The following FBXO31 variants were observed in gnomAD, a reference collection of about 807,000 sequenced individuals.
FBXO31 encodes F-box only protein 31.
In FBXO31, 24 loss-of-function variants were observed where a neutral mutation model predicts 54.4. That is an observed-to-expected ratio of 0.44 (90% CI 0.32 to 0.62). The LOEUF (loss-of-function observed/expected upper bound fraction) is 0.62. Among genes scored for constraint, FBXO31 ranks in the 20% least tolerant of loss-of-function variants. FBXO31 has a pLI of 0.05. For missense variants in FBXO31, 665 were observed against 787.1 expected (o/e 0.84, Z 1.86); for synonymous variants, 388 against 335.6 (o/e 1.16, Z -1.71).
chr16:87,373,178 A>T (rs1240371113), intron 1 of FBXO31, among the ~76,000 whole-genome samples: 28 of 148,456 alleles, frequency 1.9e-4, no homozygotes, highest in Admixed American at 1.7e-3. Context: ...CTGGCCGGGC[A>T]CAGTGGCTCA....
upstream of FBXO31, among the ~76,000 whole-genome samples, chr16:87,386,776 G>A (rs750957): frequency 0.45 from 67,990 of 152,084 alleles, 17,901 homozygotes; most frequent in East Asian, 1. Context: ...TAGTACATCA[G>A]ACTTATGATT....
At position 87,331,433 on chromosome 16, in the gene FBXO31, T is replaced by C; in HGVS notation, c.1475A>G (p.Asp492Gly). 1 of 1,613,730 alleles carries C rather than the reference T, an allele frequency of 6.2e-7. No individual in the cohort carries two copies. The highest frequency in any genetic ancestry group is 8.5e-7 in the Non-Finnish European group (1 of 1,179,972). ...CCAGACGAACCCGAAGCGGTCCTCA[T>C]CGAAGAGGATGAAGACCCCGGGGGT... ...ERTPGVFILF[D>G]EDRFGFVWLE... Residue 492 changes from aspartate to glycine, a missense_variant, in exon 9 of 9, where the codon GAT becomes GGT. Around this residue, in one of 4 missense-constraint regions of FBXO31, gnomAD observed 71 missense variants for 105.8 expected, o/e 0.67. Transcript: ENST00000311635.
rs200061135 is a variant in FBXO31 at position 87,343,694 on chromosome 16, T to C, written c.561A>G (p.Arg187=). ...GGTGGATCCTGAACAGAGGCTTGAA[T>C]CTCATAGGGTCATCGACGTGGGGGT... The part of the protein sequence containing the change: ...PHDPHVDDPM[R]FKPLFRIHLM... The change falls in exon 4 of 9, where the codon AGA becomes AGG. Residue 187 remains arginine (R), a synonymous_variant. Transcript: ENST00000311635. The C allele has an allele frequency of 6.2e-7, 1 of 1,614,210 alleles. No homozygotes were observed.
Position 87,331,357 on chromosome 16 carries a change from C to G in FBXO31, c.1551G>C (p.Arg517=), listed in dbSNP as rs1371800247. 6.2e-7 allele frequency: 1 copy of G among 1,613,900 alleles called. No homozygotes were observed. The highest frequency in any genetic ancestry group is 8.5e-7 in the Non-Finnish European group (1 of 1,180,040). ...CCTGTGGGGACGGCGCATCTGCGTT[C>G]CGGAAGGTGGCCTGGACCCGGCTGT... is the stretch of plus-strand genomic sequence containing the variant. The part of the protein sequence containing the change: ...SLYSRVQATF[R]NADAPSPQAF... Residue 517 remains arginine (R), a synonymous_variant, in exon 9 of 9, where the codon CGG becomes CGC. Coordinates refer to ENST00000311635, the MANE Select transcript of FBXO31 (RefSeq NM_024735.5).
At position 87,333,966 on chromosome 16, in the gene FBXO31, C is replaced by A. The variant is rs971601908; in HGVS notation, c.1317G>T (p.Gln439His). The A allele has an allele frequency of 1.2e-6, 2 of 1,612,600 alleles. No homozygotes were observed. Among genetic ancestry groups the A allele is most frequent in the African/African-American group, 2.7e-5 (2 of 74,946 alleles). Residue 439 changes from glutamine (Q) to histidine (H), a missense_variant, in exon 8 of 9, where the codon CAG becomes CAT. By Grantham distance (24) the Gln-to-His change is conservative (BLOSUM62 0). Around this residue, in one of 4 missense-constraint regions of FBXO31, gnomAD observed 165 missense variants for 159.7 expected, o/e 1.03. Coordinates refer to ENST00000311635, the MANE Select transcript of FBXO31 (RefSeq NM_024735.5). ...DAVAAAEQPA[Q>H]CGQGQPFVLP... ...GCACGAACGGCTGCCCCTGCCCACA[C>A]TGGGCAGGCTGCTCGGCCGCAGCTA...
At chr16:87,371,208 G>C (rs146909341) in intron 1 of FBXO31, among the ~76,000 whole-genome samples, 94 of 152,334 alleles carry the variant, frequency 6.2e-4, no homozygotes, top group African/African-American at 2.2e-3. Flanking sequence ...TGACCACTGA[G>C]CCAGCGTAGC....
intron 1 of FBXO31, among the ~76,000 whole-genome samples, chr16:87,371,305 C>G (rs147921920): frequency 6.6e-6 from 1 of 152,308 alleles, no homozygotes; most frequent in East Asian, 1.9e-4. Context: ...CCAGGACTTC[C>G]GCCCCTCCTC....
chr16:87,384,040 A>C (rs1907228402), upstream of FBXO31: 1 of 183,548 alleles, frequency 5.4e-6, no homozygotes, highest in Middle Eastern at 2.1e-3. Flanking sequence ...GTGAGGCTCG[A>C]ACTCACGACC....
intron 5 of FBXO31, among the ~76,000 whole-genome samples, chr16:87,342,179 C>T (rs980648133): frequency 1.3e-5 from 2 of 152,196 alleles, no homozygotes; most frequent in African/African-American, 4.8e-5. Context: ...AATCCTCTCA[C>T]CTCAGCCTCC....
In FBXO31 at chr16:87,346,963, A is replaced by C. The variant is rs1329963590; in HGVS notation, c.489+211T>G. 2.6e-5 allele frequency among the ~76,000 whole-genome samples: 4 copies of C among 152,272 alleles called. No individual in the cohort carries two copies. The highest frequency in any genetic ancestry group is 6.5e-5 in the Admixed American group (1 of 15,286). On this transcript the variant is annotated intron_variant, in intron 3 of 8. Transcript: ENST00000311635. The surrounding 1 kb of genome is among the most constrained non-coding windows in gnomAD (Gnocchi z 4.2). ...AGACCAGAGAGTCCAAGGACGGGCC[A>C]CAAGGCCGAAGTGTTGCTCTAAGCA...
intron 3 of FBXO31, among the ~76,000 whole-genome samples, chr16:87,344,938 A>G (rs893302557): frequency 8.5e-6 from 1 of 117,968 alleles, no homozygotes; most frequent in African/African-American, 3.3e-5. Context: ...GGCAGAGCCC[A>G]TCCCTGCCCC....
In FBXO31 at chr16:87,343,624, T is replaced by G. The variant is rs1905262033; in HGVS notation, c.631A>C (p.Lys211Gln). Reference sequence around the variant, plus strand: ...TGGATGTGGCCGTGGTGGGGCCCTTTGTGGCCGTACATGCACTCCACTGTG... The same window carrying G: ...TGGATGTGGCCGTGGTGGGGCCCTTGGTGGCCGTACATGCACTCCACTGTG... ...AATVECMYGH[K>Q]GPHHGHIQIV... Residue 211 changes from lysine (K) to glutamine (Q), a missense_variant, in exon 4 of 9, where the codon AAA becomes CAA. Transcript: ENST00000311635. The G allele has an allele frequency of 6.2e-7, 1 of 1,612,408 alleles. No individual in the cohort carries two copies. Among genetic ancestry groups the G allele is most frequent in the Non-Finnish European group, 8.5e-7 (1 of 1,179,352 alleles).
At chr16:87,341,406 G>A (rs547939224) in intron 5 of FBXO31, among the ~76,000 whole-genome samples, 6 of 151,810 alleles carry the variant, frequency 4.0e-5, no homozygotes, top group South Asian at 2.1e-4. Context: ...CTGTAATCCC[G>A]GCACTTTGGG....
chr16:87,391,004 G>A (rs898378623), upstream of FBXO31, among the ~76,000 whole-genome samples: 7 of 152,220 alleles, frequency 4.6e-5, no homozygotes, highest in African/African-American at 9.7e-5. Context: ...AAGTCAAAAG[G>A]AGAAATCCTG....
Position 87,352,035 on chromosome 16 carries a change from G to A in FBXO31, c.413-4785C>T, listed in dbSNP as rs542381506. Among the ~76,000 whole-genome samples, 6 of 152,284 alleles carry A rather than the reference G, an allele frequency of 3.9e-5. No individual in the cohort carries two copies. In the East Asian group the frequency reaches 1.2e-3, roughly 29 times the overall value. On this transcript the variant is annotated intron_variant, in intron 2 of 8. Coordinates refer to ENST00000311635, the MANE Select transcript of FBXO31 (RefSeq NM_024735.5). ...TCAATCAGCAAGGCGATGTGGGGTGGGGTGGGGGGCCCCTGTCAGGGTTTC... is the reference window on the plus strand; with the variant it reads ...TCAATCAGCAAGGCGATGTGGGGTGAGGTGGGGGGCCCCTGTCAGGGTTTC...
chr16:87,383,531 G>A lies in FBXO31; in HGVS notation c.214C>T (p.Pro72Ser), dbSNP rs1173151206. 6.3e-7 allele frequency: 1 copy of A among 1,580,016 alleles called. No homozygotes were observed. Among genetic ancestry groups the A allele is most frequent in the Non-Finnish European group, 8.6e-7 (1 of 1,167,774 alleles). The change falls in exon 1 of 9, where the codon CCC (proline) becomes TCC (serine). Residue 72 changes from proline to serine, a missense_variant. This residue lies in a region of FBXO31 where 195 missense variants were observed against 174.8 expected (regional missense o/e 1.12). Transcript: ENST00000311635. The surrounding 1 kb of genome is among the most constrained non-coding windows in gnomAD (Gnocchi z 4.9). Reference sequence around the variant, plus strand: ...GCGAAGATCTCCACCAGCAGCTCGGGCGGCAGCTCCAGCAGCGAGCAGCGC... The same window carrying A: ...GCGAAGATCTCCACCAGCAGCTCGGACGGCAGCTCCAGCAGCGAGCAGCGC... ...PPRCSLLELP[P>S]ELLVEIFASL... is the part of the protein sequence containing the mutation.
intron 2 of FBXO31, among the ~76,000 whole-genome samples, chr16:87,355,356 T>G (rs1417613034): frequency 6.6e-6 from 1 of 152,162 alleles, no homozygotes; most frequent in African/African-American, 2.4e-5. Context: ...TTGGATGCTG[T>G]GAGAGAACAA....
intron 1 of FBXO31, among the ~76,000 whole-genome samples, chr16:87,362,973 G>A (rs1317000345): frequency 2.0e-5 from 3 of 152,196 alleles, no homozygotes; most frequent in African/African-American, 7.2e-5. Flanking sequence ...CTTCAGTCAG[G>A]GCCAGGGATG....
intron 1 of FBXO31, among the ~76,000 whole-genome samples, chr16:87,372,447 C>G (rs554024422): frequency 6.6e-6 from 1 of 152,344 alleles, no homozygotes; most frequent in East Asian, 1.9e-4. Context: ...TCTCCTGGCT[C>G]AGTCATGGTG....
Sources: allele counts gnomAD v4.1 joint callset (sites outside exome capture counted in the v4.1 genomes callset), GRCh38; gene constraint gnomAD v4.1.1; regional missense constraint gnomAD v4.1.1; non-coding constraint Gnocchi (gnomAD v3.1); transcripts MANE v1.5; gene names NCBI Gene and HGNC (gene_info 2026-07-23, HGNC 2026-07-21).